FTO: variants seen among roughly 807,000 people sequenced by gnomAD.
The protein encoded by FTO is alpha-ketoglutarate-dependent dioxygenase FTO.
Under a neutral mutation model 63.9 loss-of-function variants are expected in FTO, and 47 were observed. The observed-to-expected ratio is 0.74, with a 90% CI of 0.58 to 0.94. The LOEUF (loss-of-function observed/expected upper bound fraction) is 0.94. Among genes scored for constraint, FTO ranks in the 40% least tolerant of loss-of-function variants. The pLI, the probability that FTO is intolerant of heterozygous loss-of-function variation, is 0.00. For missense variants in FTO, 562 were observed against 618.1 expected (o/e 0.91, Z 0.96); for synonymous variants, 207 against 224.4 (o/e 0.92, Z 0.69).
intron 7 of FTO, among the ~76,000 whole-genome samples, chr16:53,928,183 G>A (rs2082193630): frequency 6.6e-6 from 1 of 152,078 alleles, no homozygotes; most frequent in Non-Finnish European, 1.5e-5. Flanking sequence ...GATCTGGCCT[G>A]CATTTCCATA....
chr16:53,827,750 A>G (rs534001956), intron 3 of FTO, among the ~76,000 whole-genome samples: 13 of 152,324 alleles, frequency 8.5e-5, no homozygotes, highest in Middle Eastern at 3.4e-3. Flanking sequence ...ACCTAAGAAA[A>G]TCGCTTGAAG....
intron 1 of FTO, among the ~76,000 whole-genome samples, chr16:53,746,478 T>C (rs1342361836): frequency 2.6e-5 from 4 of 152,170 alleles, no homozygotes; most frequent in African/African-American, 9.7e-5. Context: ...GTCACTAATA[T>C]AGAGGGATTA....
intron 7 of FTO, among the ~76,000 whole-genome samples, chr16:53,930,539 A>G (rs566109653): frequency 2.0e-4 from 31 of 152,158 alleles, no homozygotes; most frequent in Non-Finnish European, 4.4e-4. Context: ...CTTCTCATTT[A>G]TAAGTACCAT....
intron 4 of FTO, among the ~76,000 whole-genome samples, chr16:53,867,491 ATATGTG>A (rs759002896): frequency 2.5e-4 from 32 of 127,620 alleles, no homozygotes; most frequent in African/African-American, 7.6e-4. Flanking sequence ...TGTACGCCAC[ATATGTG>A]TGTGTGTGTG....
At chr16:53,720,631 T>TTA (rs1400653510) in intron 1 of FTO, among the ~76,000 whole-genome samples, 25 of 145,374 alleles carry the variant, frequency 1.7e-4, no homozygotes, top group African/African-American at 5.9e-4. Flanking sequence ...TATATATCTT[T>TTA]TATATATATA....
chr16:53,991,092 T>A (rs1424398714), intron 8 of FTO: 2 of 152,154 alleles, frequency 1.3e-5, no homozygotes, highest in Non-Finnish European at 2.9e-5. Context: ...CCTGTGGAAT[T>A]TTCATGGCAA....
chr16:53,783,125 T>C (rs1262503330), intron 1 of FTO, among the ~76,000 whole-genome samples: 1 of 152,172 alleles, frequency 6.6e-6, no homozygotes, highest in Non-Finnish European at 1.5e-5. Flanking sequence ...AGTTACAGTC[T>C]AAATACCAAA....
At chr16:54,111,332 T>TGG (rs1421126546) in intron 8 of FTO, among the ~76,000 whole-genome samples, 6 of 152,240 alleles carry the variant, frequency 3.9e-5, no homozygotes, top group African/African-American at 1.2e-4. Flanking sequence ...AATCTATTCT[T>TGG]GGACGTTTTA....
chr16:53,957,934 A>G (rs947770444), intron 8 of FTO, among the ~76,000 whole-genome samples: 1 of 152,222 alleles, frequency 6.6e-6, no homozygotes, highest in Non-Finnish European at 1.5e-5. Context: ...GGGGAATCCT[A>G]TCTTCTATTG....
chr16:54,090,618 G>A (rs77511457), intron 8 of FTO, among the ~76,000 whole-genome samples: 3,620 of 152,222 alleles, frequency 0.024, 146 homozygotes, highest in African/African-American at 0.083. Context: ...AGTTACAAAG[G>A]CATCCAATGA....
chr16:53,923,577 TAGC>T (rs1418428074), intron 7 of FTO, among the ~76,000 whole-genome samples: 1 of 152,146 alleles, frequency 6.6e-6, no homozygotes, highest in African/African-American at 2.4e-5. Flanking sequence ...AGGCGTAAAA[TAGC>T]AGGATGAGGG....
chr16:53,861,337 C>T (rs2080168366), intron 4 of FTO, among the ~76,000 whole-genome samples: 1 of 152,132 alleles, frequency 6.6e-6, no homozygotes, highest in Non-Finnish European at 1.5e-5. Flanking sequence ...CTACTGTATA[C>T]AGTGCTAAGT....
At chr16:53,931,670 G>C (rs1281268492) in intron 7 of FTO, among the ~76,000 whole-genome samples, 1 of 152,088 alleles carries the variant, frequency 6.6e-6, no homozygotes, top group East Asian at 1.9e-4. Context: ...GGGTGTCACA[G>C]ACAAGGAGTA....
intron 4 of FTO, among the ~76,000 whole-genome samples, chr16:53,849,078 T>C (rs2151828992): frequency 1.3e-5 from 2 of 152,282 alleles, no homozygotes; most frequent in African/African-American, 4.8e-5. Context: ...TAGCCCTTCT[T>C]TTTTGGTTTT....
At chr16:53,749,055 C>G (rs539350769) in intron 1 of FTO, among the ~76,000 whole-genome samples, 1 of 152,162 alleles carries the variant, frequency 6.6e-6, no homozygotes, top group Admixed American at 6.5e-5. Context: ...CATGAGCCAC[C>G]GTGCCCAGCC....
chr16:53,796,314 G>A (rs1222176724), intron 1 of FTO, among the ~76,000 whole-genome samples: 2 of 152,166 alleles, frequency 1.3e-5, no homozygotes, highest in Non-Finnish European at 2.9e-5. Flanking sequence ...AAAGTGCCGG[G>A]ACTGTAGGAG....
At chr16:53,813,804 A>C (rs1362323508) in intron 2 of FTO, among the ~76,000 whole-genome samples, 1 of 152,168 alleles carries the variant, frequency 6.6e-6, no homozygotes, top group Non-Finnish European at 1.5e-5. Flanking sequence ...TCCCCACAAC[A>C]GCCTCATTCA....
intron 1 of FTO, among the ~76,000 whole-genome samples, chr16:53,723,530 T>C (rs565906333): frequency 6.6e-6 from 1 of 152,276 alleles, no homozygotes; most frequent in South Asian, 2.1e-4. Flanking sequence ...ACTTAGGCAC[T>C]TCAGTTAAAC....
intron 1 of FTO, among the ~76,000 whole-genome samples, chr16:53,783,897 CTT>C (rs1200892419): frequency 6.6e-6 from 1 of 152,100 alleles, no homozygotes; most frequent in Admixed American, 6.5e-5. Flanking sequence ...AAGTTCAGGT[CTT>C]AGGTTCTGTA....
Sources: allele counts gnomAD v4.1 joint callset (sites outside exome capture counted in the v4.1 genomes callset), GRCh38; gene constraint gnomAD v4.1.1; transcripts MANE v1.5; gene names NCBI Gene and HGNC (gene_info 2026-07-23, HGNC 2026-07-21).